The following ARHGEF3 variants were observed in gnomAD, a reference collection of about 807,000 sequenced individuals.
ARHGEF3 encodes 59.8 kDA protein.
Under a neutral mutation model 63.2 loss-of-function variants are expected in ARHGEF3, and 28 were observed. The ratio of observed to expected loss-of-function variants is 0.44; its 90% CI spans 0.33 to 0.61. The LOEUF (loss-of-function observed/expected upper bound fraction) is 0.61. Ranked by LOEUF, ARHGEF3 falls within the 20% of genes least tolerant of loss-of-function variation. The probability of loss-of-function intolerance (pLI) is 0.03; values close to 1 mark genes in which losing one functional copy is unlikely to be tolerated. For missense variants in ARHGEF3, 533 were observed against 659.3 expected (o/e 0.81, Z 2.10); for synonymous variants, 266 against 254.2 (o/e 1.05, Z -0.44).
At chr3:57,061,303 TA>T in intron 1 of ARHGEF3, among the ~76,000 whole-genome samples, 1 of 152,238 alleles carries the variant, frequency 6.6e-6, no homozygotes, top group Non-Finnish European at 1.5e-5. Context: ...TATTTATTAT[TA>T]TTTTTTTTTT....
chr3:56,764,091 A>C (rs1474314386), intron 2 of ARHGEF3, among the ~76,000 whole-genome samples: 1 of 152,182 alleles, frequency 6.6e-6, no homozygotes, highest in Non-Finnish European at 1.5e-5. Flanking sequence ...ATTAATTCAT[A>C]ATCAATAAAT....
rs1445783441 is a variant in ARHGEF3 at position 56,901,962 on chromosome 3, C to T, written c.130-19608G>A. 3.3e-5 allele frequency among the ~76,000 whole-genome samples: 5 copies of T among 152,206 alleles called. No homozygotes were observed. The East Asian group carries it at 9.7e-4, about 29-fold the overall frequency. ...GAAGCTTATCTAACGTGTATTTTCT[C>T]CAAAAGGCACATCATAGCCCTCTTG... On this transcript the variant is annotated intron_variant, in intron 3 of 12. Coordinates refer to the ARHGEF3 transcript ENST00000338458.
rs1252757862 is a variant in ARHGEF3 at position 56,930,737 on chromosome 3, T to A, written c.129+28086A>T. 3.3e-5 allele frequency among the ~76,000 whole-genome samples: 5 copies of A among 152,142 alleles called. No individual in the cohort carries two copies. In the East Asian group the frequency reaches 9.6e-4, roughly 29 times the overall value. ...TAGTCTTTAAACCAAAACCCTAAAA[T>A]ATATTTTTTAAATGCATGTAGTAAG... On this transcript the variant is annotated intron_variant, in intron 3 of 12. Coordinates refer to the ARHGEF3 transcript ENST00000338458.
chr3:56,772,845 CA>C lies in ARHGEF3; in HGVS notation c.204+863del, dbSNP rs760147910. ...CCATGAACGTTTGGTGGCATCATGG[CA>C]AATTTACTGATATGGAATAGAAGCA... is the stretch of plus-strand genomic sequence containing the variant. On this transcript the variant is annotated intron_variant, in intron 2 of 9. Transcript: ENST00000296315. Among the ~76,000 whole-genome samples the C allele has an allele frequency of 6.6e-5, 10 of 152,076 alleles. No homozygotes were observed. The East Asian group carries it at 1.2e-3, about 18-fold the overall frequency.
At chr3:56,932,414 A>G (rs1425867069) in intron 3 of ARHGEF3, among the ~76,000 whole-genome samples, 3 of 152,214 alleles carry the variant, frequency 2.0e-5, no homozygotes, top group Admixed American at 6.5e-5. Flanking sequence ...TGTATATACA[A>G]TTTTGTTTCC....
intron 2 of ARHGEF3, among the ~76,000 whole-genome samples, chr3:57,001,414 A>G (rs538098203): frequency 6.6e-6 from 1 of 152,334 alleles, no homozygotes; most frequent in East Asian, 1.9e-4. Flanking sequence ...TGTACAAACA[A>G]CGCTTCAATA....
At chr3:57,031,243 GAA>G (rs1385547578) in intron 2 of ARHGEF3, among the ~76,000 whole-genome samples, 2 of 152,326 alleles carry the variant, frequency 1.3e-5, no homozygotes, top group East Asian at 3.9e-4. Context: ...TCCAATAGGT[GAA>G]AGAGACACTA....
chr3:57,034,656 CTTTTTTT>C (rs34696155), intron 2 of ARHGEF3, among the ~76,000 whole-genome samples: 81 of 109,510 alleles, frequency 7.4e-4, no homozygotes, highest in Non-Finnish European at 1.1e-3. Context: ...ACTCCAAATT[CTTTTTTT>C]TTTTTTTTTT....
At chr3:56,964,350 CAAAAAAA>C (rs11347724) in intron 2 of ARHGEF3, among the ~76,000 whole-genome samples, 1 of 101,140 alleles carries the variant, frequency 9.9e-6, no homozygotes, top group Non-Finnish European at 2.0e-5. Flanking sequence ...AAGACTGTCT[CAAAAAAA>C]AAAAAAAAAA....
chr3:57,002,544 T>C (rs555428013), intron 2 of ARHGEF3, among the ~76,000 whole-genome samples: 1 of 86,136 alleles, frequency 1.2e-5, no homozygotes, highest in Non-Finnish European at 2.7e-5. Flanking sequence ...ATGTAATATA[T>C]GTTATGTTAT....
upstream of ARHGEF3, among the ~76,000 whole-genome samples, chr3:56,803,884 CTTTCT>C (rs1296884552): frequency 2.5e-5 from 3 of 118,172 alleles, no homozygotes; most frequent in African/African-American, 8.5e-5. Flanking sequence ...ATCATATTTT[CTTTCT>C]TTTTTTTTTT....
At chr3:56,778,771 G>C (rs932816528) in intron 1 of ARHGEF3, among the ~76,000 whole-genome samples, 2 of 152,170 alleles carry the variant, frequency 1.3e-5, no homozygotes, top group African/African-American at 2.4e-5. Context: ...CTGGGGTCAA[G>C]CAATTCTCCC....
At chr3:57,025,740 G>A (rs1296840378) in intron 2 of ARHGEF3, among the ~76,000 whole-genome samples, 1 of 152,122 alleles carries the variant, frequency 6.6e-6, no homozygotes, top group Non-Finnish European at 1.5e-5. Flanking sequence ...AGACTGCAAA[G>A]TCCTCCAGGG....
chr3:56,849,600 T>C (rs1273312292), intron 4 of ARHGEF3, among the ~76,000 whole-genome samples: 1 of 152,108 alleles, frequency 6.6e-6, no homozygotes, highest in Non-Finnish European at 1.5e-5. Flanking sequence ...TGTGTCCTGT[T>C]GCCTTAAAGA....
chr3:56,732,532 T>C, intron 8 of ARHGEF3, 108 bp from the exon 9 acceptor site: 20 of 1,283,486 alleles, frequency 1.6e-5, no homozygotes, highest in Non-Finnish European at 2.2e-5. Flanking sequence ...TCACACTGGA[T>C]TATGAACTCC....
chr3:56,972,980 T>C (rs1431701101), intron 2 of ARHGEF3, among the ~76,000 whole-genome samples: 2 of 148,204 alleles, frequency 1.3e-5, no homozygotes, highest in African/African-American at 5.0e-5. Context: ...ATGGTGGCAG[T>C]GGGGGTGGTG....
At chr3:56,895,668 T>C (rs1456783110) in intron 3 of ARHGEF3, among the ~76,000 whole-genome samples, 4 of 152,072 alleles carry the variant, frequency 2.6e-5, no homozygotes, top group African/African-American at 9.7e-5. Context: ...TTTCACTGTG[T>C]TAGCCAGGAT....
At chr3:56,990,028 ACCCAGCTTCGCTACCCAGCTT>A (rs1560111578) in intron 2 of ARHGEF3, among the ~76,000 whole-genome samples, 2 of 152,196 alleles carry the variant, frequency 1.3e-5, no homozygotes, top group Admixed American at 6.5e-5. Context: ...CAATGACGCT[ACCCAGCTTCGCTACCCAGCTT>A]CCCAGCTTCG....
intron 3 of ARHGEF3, among the ~76,000 whole-genome samples, chr3:56,915,364 G>A (rs2041960052): frequency 6.6e-6 from 1 of 152,126 alleles, no homozygotes; most frequent in Admixed American, 6.5e-5. Flanking sequence ...TACTCGGGAG[G>A]CTGAGGCAAG....
Sources: gnomAD v4.1 joint callset for allele counts (sites outside exome capture counted in the v4.1 genomes callset) on GRCh38, gnomAD v4.1.1 for gene constraint, MANE v1.5 for transcripts, NCBI Gene and HGNC (gene_info 2026-07-23, HGNC 2026-07-21) for gene names.